ABLIM2: variants seen among roughly 807,000 people sequenced by gnomAD.
ABLIM2 encodes the protein actin binding LIM protein family member 2.
A neutral mutation model predicts 97.7 loss-of-function variants in ABLIM2; 53 were observed. The observed-to-expected ratio is 0.54, with a 90% CI of 0.44 to 0.68. The LOEUF (loss-of-function observed/expected upper bound fraction) is 0.68, where lower values mean the gene tolerates loss of function less well. Among genes scored for constraint, ABLIM2 ranks in the 30% least tolerant of loss-of-function variants. ABLIM2 has a pLI of 0.00. For synonymous variants in ABLIM2, 361 were observed against 345.8 expected (o/e 1.04, Z -0.49); for missense variants, 835 against 867.2 (o/e 0.96, Z 0.47).
rs141628535 is a variant in ABLIM2 at position 7,970,326 on chromosome 4, C to T, written c.1825-3223G>A. ...CTGCTGGGGGAGGCTAAGGGAGGGG[C>T]GCAAAGGTGCTGGTGGGCAGAGGGA... On this transcript the variant is annotated intron_variant, in intron 20 of 20. Coordinates refer to ENST00000447017, the MANE Select transcript of ABLIM2 (RefSeq NM_001130083.2). The surrounding 1 kb of genome is among the most constrained non-coding windows in gnomAD (Gnocchi z 5.3). Among the ~76,000 whole-genome samples, 2 of 151,978 alleles carry T rather than the reference C, an allele frequency of 1.3e-5. No individual in the cohort carries two copies. Among genetic ancestry groups the T allele is most frequent in the Admixed American group, 1.3e-4 (2 of 15,260 alleles).
At position 7,992,760 on chromosome 4, in the gene ABLIM2, T is replaced by G. The variant is rs970783546; in HGVS notation, c.1680+106A>C. 6 of 1,274,336 alleles carry G rather than the reference T, an allele frequency of 4.7e-6. No individual in the cohort carries two copies. 78.9% of individuals were successfully genotyped at this position (1,274,336 alleles called of 1,614,324 possible). The stretch of plus-strand genomic sequence containing the variant: ...AGGCAGAGGCAGGTGGGCCGCGGGG[T>G]CCCCGGGGCCTCTCCTCCTGCTGTG... On this transcript the variant is annotated intron_variant, in intron 17 of 20. Coordinates refer to ENST00000447017, the MANE Select transcript of ABLIM2 (RefSeq NM_001130083.2). The surrounding 1 kb of genome is among the most constrained non-coding windows in gnomAD (Gnocchi z 5.7).
chr4:8,047,743 G>A (rs1793484430), intron 8 of ABLIM2, among the ~76,000 whole-genome samples: 1 of 152,224 alleles, frequency 6.6e-6, no homozygotes, highest in South Asian at 2.1e-4. Context: ...CCATCCCCCG[G>A]CAACAGCTCC....
At chr4:8,108,318 C>T (rs1027017213) in intron 1 of ABLIM2, among the ~76,000 whole-genome samples, 2 of 152,250 alleles carry the variant, frequency 1.3e-5, no homozygotes, top group Non-Finnish European at 2.9e-5. Context: ...GCTAGGGCTG[C>T]GCCCCATGCC....
intron 6 of ABLIM2, among the ~76,000 whole-genome samples, chr4:8,065,104 T>G (rs994999779): frequency 1.3e-5 from 2 of 152,032 alleles, no homozygotes; most frequent in African/African-American, 4.8e-5. Flanking sequence ...ATTGAAAAAT[T>G]AGCCAGGCAT....
intron 14 of ABLIM2, among the ~76,000 whole-genome samples, chr4:8,014,600 T>A (rs1203346643): frequency 6.6e-6 from 1 of 152,200 alleles, no homozygotes; most frequent in Non-Finnish European, 1.5e-5. Flanking sequence ...TCCGCTAGAA[T>A]CTCAGCTCCA....
In ABLIM2 at chr4:8,075,970, T is replaced by C. The variant is rs893316879; in HGVS notation, c.675+1658A>G. On this transcript the variant is annotated intron_variant, in intron 6 of 20. Transcript: ENST00000447017. This position sits in a 1 kb window ranked among gnomAD's most constrained non-coding sequence, Gnocchi z 4.4. Reference sequence around the variant, plus strand: ...GGCCAGAAAGTTAGGCTAACTATGATTGCATAGTCAGTGGTTTTATTTTCT... The same window carrying C: ...GGCCAGAAAGTTAGGCTAACTATGACTGCATAGTCAGTGGTTTTATTTTCT... Among the ~76,000 whole-genome samples, 10 of 152,186 alleles carry C rather than the reference T, an allele frequency of 6.6e-5. No individual in the cohort carries two copies. Among genetic ancestry groups the C allele is most frequent in the African/African-American group, 2.4e-4 (10 of 41,450 alleles).
At chr4:7,984,052 C>G (rs1170130713) in intron 18 of ABLIM2, among the ~76,000 whole-genome samples, 1 of 152,232 alleles carries the variant, frequency 6.6e-6, no homozygotes, top group South Asian at 2.1e-4. Flanking sequence ...TACTTCCAGA[C>G]TGAAAGCGTC....
rs915884518 is a variant in ABLIM2, at chr4:8,087,137, C to A, written c.454+1032G>T. ...ATTAATTGCGGGCAAGATGTTGACC[C>A]CAGAAATCAGGAGAAACCCCTCCTC... On this transcript the variant is annotated intron_variant, in intron 4 of 20. Coordinates refer to ENST00000447017, the MANE Select transcript of ABLIM2 (RefSeq NM_001130083.2). The surrounding 1 kb of genome is among the most constrained non-coding windows in gnomAD (Gnocchi z 4.6). Among the ~76,000 whole-genome samples, 1 of 152,170 alleles carries A rather than the reference C, an allele frequency of 6.6e-6. No homozygotes were observed. The highest frequency in any genetic ancestry group is 1.5e-5 in the Non-Finnish European group (1 of 68,026).
chr4:8,057,456 G>A (rs530013175), intron 7 of ABLIM2, among the ~76,000 whole-genome samples: 2 of 152,278 alleles, frequency 1.3e-5, no homozygotes, highest in South Asian at 2.1e-4. Context: ...GCACACAACT[G>A]GCACATACTT....
chr4:8,003,026 T>G lies in ABLIM2; in HGVS notation c.1618+5033A>C, dbSNP rs1758295575. ...TTGTCTCCCAGCCCCTAGTAGAATG[T>G]CGGCTCCCCAGACAGGGAACTTTGT... On this transcript the variant is annotated intron_variant, in intron 16 of 20. Coordinates refer to ENST00000447017, the MANE Select transcript of ABLIM2 (RefSeq NM_001130083.2). This position sits in a 1 kb window ranked among gnomAD's most constrained non-coding sequence, Gnocchi z 4.2. 6.6e-6 allele frequency among the ~76,000 whole-genome samples: 1 copy of G among 152,220 alleles called. No homozygotes were observed. Among genetic ancestry groups the G allele is most frequent in the African/African-American group, 2.4e-5 (1 of 41,458 alleles).
At chr4:8,026,151 C>T (rs554850190) in intron 12 of ABLIM2, among the ~76,000 whole-genome samples, 3 of 152,210 alleles carry the variant, frequency 2.0e-5, no homozygotes, top group Non-Finnish European at 2.9e-5. Flanking sequence ...GGATTACAGG[C>T]ATGCACCACC....
At chr4:7,990,962 G>T (rs1034173396) in intron 17 of ABLIM2, among the ~76,000 whole-genome samples, 1 of 152,284 alleles carries the variant, frequency 6.6e-6, no homozygotes, top group Middle Eastern at 3.4e-3. Flanking sequence ...GAATCTCCAC[G>T]TGATGATGAG....
intron 16 of ABLIM2, among the ~76,000 whole-genome samples, chr4:7,997,045 G>A (rs902018635): frequency 2.6e-5 from 4 of 152,004 alleles, no homozygotes; most frequent in Non-Finnish European, 4.4e-5. Context: ...TGCCAAAATT[G>A]TTAGGTTTTC....
chr4:8,114,481 C>G (rs1014320521), intron 1 of ABLIM2, among the ~76,000 whole-genome samples: 1 of 152,200 alleles, frequency 6.6e-6, no homozygotes, highest in South Asian at 2.1e-4. Flanking sequence ...GGTCATGCCT[C>G]GGTTTAAGAG....
At chr4:7,968,376 C>T (rs9799872) in intron 20 of ABLIM2, among the ~76,000 whole-genome samples, 29,641 of 152,240 alleles carry the variant, frequency 0.19, 3,081 homozygotes, top group East Asian at 0.3. Context: ...AGATGATGGT[C>T]GCCCATGTTC....
Position 8,023,002 on chromosome 4 carries a change from T to A in ABLIM2, c.1268-2699A>T, listed in dbSNP as rs548063389. On this transcript the variant is annotated intron_variant, in intron 12 of 20. Coordinates refer to ENST00000447017, the MANE Select transcript of ABLIM2 (RefSeq NM_001130083.2). This position sits in a 1 kb window ranked among gnomAD's most constrained non-coding sequence, Gnocchi z 5.7. ...TCTTCCTCTTTTTCCTTTCTCCTCCTCCTCTTCCTCCTTCACTTTTTCCTC... is the reference window on the plus strand; with the variant it reads ...TCTTCCTCTTTTTCCTTTCTCCTCCACCTCTTCCTCCTTCACTTTTTCCTC... The A allele has an allele frequency of 1.3e-5, 2 of 153,674 alleles. No homozygotes were observed. The highest frequency in any genetic ancestry group is 4.8e-5 in the African/African-American group (2 of 41,396). 9.5% of individuals were successfully genotyped at this position (153,674 alleles called of 1,614,324 possible).
chr4:8,127,728 C>T lies in ABLIM2; in HGVS notation c.11-21091G>A. The T allele has an allele frequency of 5.1e-6, 5 of 985,084 alleles. No individual in the cohort carries two copies. Among genetic ancestry groups the T allele is most frequent in the Non-Finnish European group, 6.0e-6 (5 of 829,674 alleles). 61.0% of individuals were successfully genotyped at this position (985,084 alleles called of 1,614,324 possible). ...GTCACGTGGCAGCTGCCACCCTCTGCCCGGGGAGGGGCAGAGCCAAGCCCT... is the reference window on the plus strand; with the variant it reads ...GTCACGTGGCAGCTGCCACCCTCTGTCCGGGGAGGGGCAGAGCCAAGCCCT... On this transcript the variant is annotated intron_variant, in intron 1 of 20. Coordinates refer to ENST00000447017, the MANE Select transcript of ABLIM2 (RefSeq NM_001130083.2). The surrounding 1 kb of genome is among the most constrained non-coding windows in gnomAD (Gnocchi z 7.3).
rs1768134289 is a variant in ABLIM2 at position 8,015,283 on chromosome 4, GT to G, written c.1423+4334del. Among the ~76,000 whole-genome samples the G allele has an allele frequency of 6.6e-6, 1 of 152,034 alleles. No individual in the cohort carries two copies. The highest frequency in any genetic ancestry group is 2.4e-5 in the African/African-American group (1 of 41,378). On this transcript the variant is annotated intron_variant, in intron 14 of 20. Transcript: ENST00000447017. The surrounding 1 kb of genome is among the most constrained non-coding windows in gnomAD (Gnocchi z 4.6). ...CTGCACTGCAGAAGGAGAGGTTAGCGTGTCTTTTGTATCACACAGACAGTTC... is the reference window on the plus strand; with the variant it reads ...CTGCACTGCAGAAGGAGAGGTTAGCGGTCTTTTGTATCACACAGACAGTTC...
Position 8,083,544 on chromosome 4 carries a change from C to T in ABLIM2, c.455-2742G>A, listed in dbSNP as rs1328131273. Among the ~76,000 whole-genome samples the T allele has an allele frequency of 1.3e-5, 2 of 152,244 alleles. No homozygotes were observed. Among genetic ancestry groups the T allele is most frequent in the Non-Finnish European group, 2.9e-5 (2 of 68,042 alleles). On this transcript the variant is annotated intron_variant, in intron 4 of 20. Transcript: ENST00000447017. The surrounding 1 kb of genome is among the most constrained non-coding windows in gnomAD (Gnocchi z 4.6). ...CTGCAGAGGGGATGTGAACCTCACA[C>T]CTGCCTCGGCCCCCTCATTCTCCTA...
Sources: gnomAD v4.1 joint callset for allele counts (sites outside exome capture counted in the v4.1 genomes callset) on GRCh38, gnomAD v4.1.1 for gene constraint, Gnocchi (gnomAD v3.1) non-coding constraint, MANE v1.5 for transcripts, NCBI Gene and HGNC (gene_info 2026-07-23, HGNC 2026-07-21) for gene names.